Variants in HNRNPL observed in about 807,000 individuals in gnomAD.
HNRNPL encodes the protein epididymis secretory sperm binding protein.
Under a neutral mutation model 64.0 loss-of-function variants are expected in HNRNPL, and 12 were observed. That is an observed-to-expected ratio of 0.19 (90% CI 0.12 to 0.30). The LOEUF (loss-of-function observed/expected upper bound fraction) is 0.30, where lower values mean the gene tolerates loss of function less well. HNRNPL is among the 10% of genes least tolerant of loss of function. The pLI, the probability that HNRNPL is intolerant of heterozygous loss-of-function variation, is 1.00. For missense variants in HNRNPL, 484 were observed against 797.4 expected (o/e 0.61, Z 4.73); for synonymous variants, 385 against 313.0 (o/e 1.23, Z -2.43).
chr19:38,842,780 G>C (rs1175325112), intron 6 of HNRNPL, among the ~76,000 whole-genome samples: 1 of 152,060 alleles, frequency 6.6e-6, no homozygotes, highest in African/African-American at 2.4e-5. Context: ...CCAAAGCTGA[G>C]AGGCATCAAA....
Position 38,847,390 on chromosome 19 carries a change from G to C in HNRNPL, c.312C>G (p.Val104=), listed in dbSNP as rs1334134658. The C allele has an allele frequency of 1.3e-6, 2 of 1,561,776 alleles. No homozygotes were observed. Among genetic ancestry groups the C allele is most frequent in the South Asian group, 1.2e-5 (1 of 83,730 alleles). The change falls in exon 2 of 13, where the codon GTC becomes GTG. Residue 104 remains valine (V), a synonymous_variant. Coordinates refer to ENST00000221419, the MANE Select transcript of HNRNPL (RefSeq NM_001533.3). The stretch of plus-strand genomic sequence containing the variant: ...CACCGTCAATCAGGCCCCTGATGTG[G>C]ACAACTGGGGAGGCAGGGGTTTTGT... ...DPHKTPASPV[V]HIRGLIDGVV... is the part of the protein sequence containing the mutation.
At position 38,847,280 on chromosome 19, in the gene HNRNPL, T is replaced by C. The variant is rs749572888; in HGVS notation, c.386+36A>G. On this transcript the variant is annotated intron_variant, in intron 2 of 12. Coordinates refer to ENST00000221419, the MANE Select transcript of HNRNPL (RefSeq NM_001533.3). ...CACACAAGGACACCCAGGAGTCAAC[T>C]TTGGAAGCCCAACACCTGGCCTCTG... 3 of 1,151,598 alleles carry C rather than the reference T, an allele frequency of 2.6e-6. No homozygotes were observed. In the East Asian group the frequency reaches 8.5e-5, roughly 33 times the overall value. 71.3% of individuals were successfully genotyped at this position (1,151,598 alleles called of 1,614,324 possible).
Position 38,836,721 on chromosome 19 carries a change from A to C in HNRNPL, c.*1T>G, listed in dbSNP as rs749444388. The C allele has an allele frequency of 8.1e-6, 13 of 1,606,430 alleles. No individual in the cohort carries two copies. The highest frequency in any genetic ancestry group is 6.8e-5 in the Admixed American group (4 of 59,212). ...AGATGGGACTCTTCCTAGGCACCTA[A>C]TTAGGAGGCGTGCTGAGCAGTGGAG... On this transcript the variant is annotated 3_prime_UTR_variant, in exon 13 of 13. Transcript: ENST00000221419.
At chr19:38,851,958 G>A (rs1486894506), upstream of HNRNPL, among the ~76,000 whole-genome samples, 1 of 152,026 alleles carries the variant, frequency 6.6e-6, no homozygotes, top group Non-Finnish European at 1.5e-5. Flanking sequence ...CGTGACGGGA[G>A]GAGGCCGGGC....
chr19:38,847,559 G>A (rs752269717), intron 1 of HNRNPL, 125 bp from the exon 2 acceptor site: 6 of 492,818 alleles, frequency 1.2e-5, no homozygotes, highest in Non-Finnish European at 2.1e-5. Context: ...GGATGCACAG[G>A]AAAGACTAGG....
intron 1 of HNRNPL, among the ~76,000 whole-genome samples, chr19:38,848,925 T>TC (rs1273833901): frequency 1.3e-5 from 2 of 152,108 alleles, no homozygotes; most frequent in Non-Finnish European, 2.9e-5. Context: ...CTGTAAGACT[T>TC]CAAGATTTTG....
rs1390997491 is a variant in HNRNPL at position 38,838,540 on chromosome 19, A to G, written c.1414T>C (p.Cys472Arg). The G allele has an allele frequency of 6.2e-7, 1 of 1,614,064 alleles. No homozygotes were observed. Among genetic ancestry groups the G allele is most frequent in the Non-Finnish European group, 8.5e-7 (1 of 1,180,040 alleles). ...GQSYGLEDGS[C>R]SYKDFSESRN... ...GATTCACTGAAGTCTTTGTAACTGC[A>G]AGACCCGTCTTCCAACCCGTATGAC... Residue 472 changes from cysteine to arginine, a missense_variant, in exon 10 of 13, where the codon TGC becomes CGC. Physicochemically the swap from Cys to Arg is radical, Grantham distance 180. Around this residue, in one of 9 missense-constraint regions of HNRNPL, gnomAD observed 53 missense variants for 131.3 expected, o/e 0.40. Coordinates refer to ENST00000221419, the MANE Select transcript of HNRNPL (RefSeq NM_001533.3).
intron 6 of HNRNPL, among the ~76,000 whole-genome samples, chr19:38,843,168 C>A (rs1335199686): frequency 1.3e-5 from 2 of 152,168 alleles, no homozygotes; most frequent in African/African-American, 4.8e-5. Context: ...AGACAGACAC[C>A]GAGATGGATG....
chr19:38,848,736 A>C (rs1033701736), intron 1 of HNRNPL, among the ~76,000 whole-genome samples: 1 of 152,010 alleles, frequency 6.6e-6, no homozygotes, highest in African/African-American at 2.4e-5. Context: ...ACCTCATCTC[A>C]TCTCTCTCCT....
intron 1 of HNRNPL, chr19:38,849,390 A>G (rs373081360): frequency 7.0e-5 from 22 of 313,726 alleles, no homozygotes; most frequent in African/African-American, 4.3e-4. Context: ...GATAAAGGGG[A>G]AAAAAACCGG....
Position 38,838,616 on chromosome 19 carries a change from G to C in HNRNPL, c.1356-18C>G, listed in dbSNP as rs767164569. 1.2e-6 allele frequency: 2 copies of C among 1,610,186 alleles called. No homozygotes were observed. Among genetic ancestry groups the C allele is most frequent in the African/African-American group, 1.3e-5 (1 of 74,832 alleles). ...TGGAGACACTGCAGCAAGGAAGAAA[G>C]GGGAGCCTTTGTCATACCCAAAGTT... On this transcript the variant is annotated intron_variant, in intron 9 of 12. Coordinates refer to ENST00000221419, the MANE Select transcript of HNRNPL (RefSeq NM_001533.3).
chr19:38,836,635 ATC>A lies in HNRNPL; in HGVS notation c.*85_*86del. 1 of 636,056 alleles carries A rather than the reference ATC, an allele frequency of 1.6e-6. No homozygotes were observed. The highest frequency in any genetic ancestry group is 2.7e-6 in the Non-Finnish European group (1 of 372,500). 39.4% of individuals were successfully genotyped at this position (636,056 alleles called of 1,614,324 possible). On this transcript the variant is annotated 3_prime_UTR_variant, in exon 13 of 13. Coordinates refer to ENST00000221419, the MANE Select transcript of HNRNPL (RefSeq NM_001533.3). ...AAAAAAAAAAAAAAAGGAATACAAG[ATC>A]TTTTGCAAATAACAAAAACAAAAAA...
At chr19:38,846,884 C>T (rs985346657) in intron 2 of HNRNPL, among the ~76,000 whole-genome samples, 5 of 151,802 alleles carry the variant, frequency 3.3e-5, no homozygotes, top group Non-Finnish European at 5.9e-5. Context: ...CCAGCCTGGG[C>T]GACAGAGCAA....
At chr19:38,841,641 C>T (rs1475904799) in intron 6 of HNRNPL, 2 of 1,285,522 alleles carry the variant, frequency 1.6e-6, no homozygotes, top group African/African-American at 1.5e-5. Context: ...TGAGTTAGCA[C>T]AGTTCTGAAA....
upstream of HNRNPL, chr19:38,850,152 G>C: frequency 2.0e-6 from 1 of 491,192 alleles, no homozygotes; most frequent in Non-Finnish European, 3.5e-6. Context: ...TTGTTTGTCT[G>C]AGACACTCCT....
intron 1 of HNRNPL, 31 bp from the exon 2 acceptor site, chr19:38,847,465 T>C: frequency 7.3e-7 from 1 of 1,377,922 alleles, no homozygotes. Flanking sequence ...AAGAATTATT[T>C]TCTTGCTGTA....
upstream of HNRNPL, among the ~76,000 whole-genome samples, chr19:38,850,757 G>A (rs1290774578): frequency 6.6e-6 from 1 of 152,198 alleles, no homozygotes; most frequent in Non-Finnish European, 1.5e-5. Context: ...CTACCTCTAG[G>A]AGGAATTGTT....
At chr19:38,845,300 G>A (rs1340809823) in intron 4 of HNRNPL, 1 of 197,552 alleles carries the variant, frequency 5.1e-6, no homozygotes, top group Non-Finnish European at 1.1e-5. Context: ...GAACCCAGGA[G>A]GCAGAGGTTG....
intron 6 of HNRNPL, chr19:38,841,512 TTTG>T: frequency 3.7e-6 from 2 of 544,120 alleles, no homozygotes; most frequent in Non-Finnish European, 6.5e-6. Flanking sequence ...CGGCCTGGGT[TTTG>T]TTACCAGTCA....
Sources: allele counts gnomAD v4.1 joint callset (sites outside exome capture counted in the v4.1 genomes callset), GRCh38; gene constraint gnomAD v4.1.1; regional missense constraint gnomAD v4.1.1; transcripts MANE v1.5; gene names NCBI Gene and HGNC (gene_info 2026-07-23, HGNC 2026-07-21).